The following DNAH7 variants were observed in gnomAD, a reference collection of about 807,000 sequenced individuals.
DNAH7 encodes dynein axonemal heavy chain 7.
A neutral mutation model predicts 444.6 loss-of-function variants in DNAH7; 397 were observed. The observed-to-expected ratio is 0.89, with a 90% CI of 0.82 to 0.97. DNAH7 has a LOEUF of 0.97. DNAH7 is among the 50% of genes least tolerant of loss of function. The pLI, the probability that DNAH7 is intolerant of heterozygous loss-of-function variation, is 0.00. For synonymous variants in DNAH7, 1,636 were observed against 1,624.4 expected, an observed-to-expected ratio of 1.01 and a Z score of -0.17; for missense variants, 4,902 against 4,800.8, an observed-to-expected ratio of 1.02 and a Z score of -0.62.
rs765005113 is a variant in DNAH7, at chr2:195,895,165, C to G, written c.4707G>C (p.Leu1569Phe). The change falls in exon 30 of 65, where the codon TTG becomes TTC. Residue 1569 changes from leucine (L) to phenylalanine (F), a missense_variant. Transcript: ENST00000312428. ...VKLPKPDYNDLLAAIKDNCAS... is the reference protein window; with the variant it reads ...VKLPKPDYNDFLAAIKDNCAS... Reference sequence around the variant, plus strand: ...CACAATTGTCTTTGATAGCTGCCAGCAAATCATTGTAATCTGGTTTTGGTA... The same window carrying G: ...CACAATTGTCTTTGATAGCTGCCAGGAAATCATTGTAATCTGGTTTTGGTA... The G allele has an allele frequency of 1.2e-6, 2 of 1,612,694 alleles. No homozygotes were observed. Among genetic ancestry groups the G allele is most frequent in the Middle Eastern group, 1.7e-4 (1 of 6,054 alleles).
chr2:195,773,659 A>C (rs550489093), intron 60 of DNAH7, among the ~76,000 whole-genome samples: 27 of 152,268 alleles, frequency 1.8e-4, no homozygotes, highest in African/African-American at 6.5e-4. Context: ...GAGTTATCAC[A>C]AATAGCATCT....
At chr2:195,982,538 G>A (rs1216849032) in intron 15 of DNAH7, among the ~76,000 whole-genome samples, 1 of 152,158 alleles carries the variant, frequency 6.6e-6, no homozygotes, top group Non-Finnish European at 1.5e-5. Context: ...TCCTATGTTT[G>A]TTGCAGCACT....
chr2:195,911,944 T>C (rs1441547048), intron 24 of DNAH7, among the ~76,000 whole-genome samples: 1 of 152,226 alleles, frequency 6.6e-6, no homozygotes, highest in African/African-American at 2.4e-5. Context: ...TAAACCTGTA[T>C]ATTAATAGTA....
At chr2:196,008,792 C>T (rs187539846) in intron 10 of DNAH7, among the ~76,000 whole-genome samples, 12 of 152,290 alleles carry the variant, frequency 7.9e-5, no homozygotes, top group African/African-American at 2.9e-4. Context: ...TGGGAAATGG[C>T]TGCTAACAGG....
intron 19 of DNAH7, among the ~76,000 whole-genome samples, chr2:195,946,148 T>G (rs1176138489): frequency 6.6e-6 from 1 of 152,134 alleles, no homozygotes; most frequent in Non-Finnish European, 1.5e-5. Context: ...AAGAACTATA[T>G]GCTCAAGGAT....
At position 195,864,358 on chromosome 2, in the gene DNAH7, T is replaced by C. The variant is rs762311688; in HGVS notation, c.7297A>G (p.Ile2433Val). ...NLFALDEKQE[I>V]CDKMRQLDRQ... The stretch of plus-strand genomic sequence containing the variant: ...TCTAACTGACGCATCTTATCACATA[T>C]CTCTTGCTTCTCATCTAATGCAAAG... The change falls in exon 41 of 65, where the codon ATA (isoleucine) becomes GTA (valine). Residue 2433 changes from isoleucine to valine, a missense_variant. By Grantham distance (29) the Ile-to-Val change is conservative. Coordinates refer to ENST00000312428, the MANE Select transcript of DNAH7 (RefSeq NM_018897.3). The C allele has an allele frequency of 1.1e-5, 17 of 1,614,040 alleles. No individual in the cohort carries two copies. The East Asian group carries it at 3.1e-4, about 30-fold the overall frequency.
At chr2:195,924,170 A>G (rs756752079) in intron 22 of DNAH7, among the ~76,000 whole-genome samples, 12 of 152,118 alleles carry the variant, frequency 7.9e-5, no homozygotes, top group Non-Finnish European at 1.6e-4. Context: ...GGACTGCTAT[A>G]TAGATTGAGA....
At chr2:195,988,587 A>C (rs1299783730) in intron 12 of DNAH7, among the ~76,000 whole-genome samples, 3 of 152,186 alleles carry the variant, frequency 2.0e-5, no homozygotes, top group African/African-American at 7.2e-5. Context: ...TTTATGGAAT[A>C]CAATGTGATG....
At chr2:196,024,734 G>C (rs1282898036) in intron 7 of DNAH7, among the ~76,000 whole-genome samples, 1 of 151,898 alleles carries the variant, frequency 6.6e-6, no homozygotes, top group African/African-American at 2.4e-5. Context: ...AACACAATGT[G>C]TCCCTCCTCT....
chr2:196,060,723 C>T (rs1026825087), intron 1 of DNAH7, among the ~76,000 whole-genome samples: 4 of 152,146 alleles, frequency 2.6e-5, no homozygotes, highest in Admixed American at 2.6e-4. Context: ...GGTATTTATT[C>T]CTTGCATACC....
chr2:196,050,200 T>C (rs941577571), intron 3 of DNAH7, among the ~76,000 whole-genome samples: 3 of 152,196 alleles, frequency 2.0e-5, no homozygotes, highest in Non-Finnish European at 2.9e-5. Flanking sequence ...ATGCTTTGGA[T>C]GAACCCTGAA....
At chr2:195,909,364 C>T (rs1048808302) in intron 25 of DNAH7, among the ~76,000 whole-genome samples, 1 of 152,110 alleles carries the variant, frequency 6.6e-6, no homozygotes, top group Non-Finnish European at 1.5e-5. Flanking sequence ...TAAGGAATAA[C>T]AGGCTACAGA....
Position 195,900,475 on chromosome 2 carries a change from G to A in DNAH7, c.4355C>T (p.Ala1452Val). The A allele has an allele frequency of 6.2e-7, 1 of 1,613,890 alleles. No individual in the cohort carries two copies. The highest frequency in any genetic ancestry group is 8.5e-7 in the Non-Finnish European group (1 of 1,179,812). Residue 1452 changes from alanine to valine, a missense_variant, in exon 28 of 65, where the codon GCA (alanine) becomes GTA (valine). By Grantham distance (64) the Ala-to-Val change is moderately conservative. Coordinates refer to ENST00000312428, the MANE Select transcript of DNAH7 (RefSeq NM_018897.3). ...DNLKALFRTV[A>V]MMVPDYAMIA... ...CATGGCATAGTCAGGTACCATCATT[G>A]CTACTGTCCGAAAGAGAGCCTATGG...
chr2:195,916,175 T>C (rs1350691475), intron 24 of DNAH7, among the ~76,000 whole-genome samples: 3 of 152,312 alleles, frequency 2.0e-5, no homozygotes, highest in South Asian at 2.1e-4. Context: ...AACTTAAAAC[T>C]ATACAACTTC....
intron 46 of DNAH7, among the ~76,000 whole-genome samples, chr2:195,846,085 G>A (rs1412641166): frequency 6.6e-6 from 1 of 152,116 alleles, no homozygotes; most frequent in African/African-American, 2.4e-5. Context: ...TACACAATGG[G>A]GAGAAACATT....
At chr2:196,010,075 T>C (rs1461617927) in intron 10 of DNAH7, among the ~76,000 whole-genome samples, 1 of 151,972 alleles carries the variant, frequency 6.6e-6, no homozygotes, top group Non-Finnish European at 1.5e-5. Context: ...CTGGCAAGGA[T>C]GTAGAGAAAG....
chr2:195,748,673 A>G (rs1190964481), intron 63 of DNAH7, among the ~76,000 whole-genome samples: 1 of 152,212 alleles, frequency 6.6e-6, no homozygotes, highest in Admixed American at 6.5e-5. Context: ...GCCCTCAGAA[A>G]TAACGCCGCT....
chr2:195,809,288 G>C (rs1696849714), intron 52 of DNAH7, among the ~76,000 whole-genome samples: 1 of 152,022 alleles, frequency 6.6e-6, no homozygotes, highest in African/African-American at 2.4e-5. Context: ...CACAACTTTT[G>C]CAAGAAATGC....
chr2:195,748,866 C>G (rs1183836661), intron 63 of DNAH7, among the ~76,000 whole-genome samples: 3 of 152,084 alleles, frequency 2.0e-5, no homozygotes, highest in Non-Finnish European at 4.4e-5. Context: ...AACGTTAGAC[C>G]TAAAACCATA....
Sources: gnomAD v4.1 joint callset for allele counts (sites outside exome capture counted in the v4.1 genomes callset) on GRCh38, gnomAD v4.1.1 for gene constraint, MANE v1.5 for transcripts, NCBI Gene and HGNC (gene_info 2026-07-23, HGNC 2026-07-21) for gene names.